The following RGL1 variants were observed in gnomAD, a reference collection of about 807,000 sequenced individuals.
RGL1 encodes ral guanine nucleotide dissociation stimulator like 1, also known as ral guanine nucleotide dissociation stimulator-like 1.
In RGL1, 24 loss-of-function variants were observed where a neutral mutation model predicts 95.2. The ratio of observed to expected loss-of-function variants is 0.25; its 90% CI spans 0.18 to 0.35. The LOEUF is 0.35. RGL1 is among the 10% of genes least tolerant of loss of function. The probability of loss-of-function intolerance (pLI) is 1.00; values close to 1 mark genes in which losing one functional copy is unlikely to be tolerated. For missense variants in RGL1, 715 were observed against 936.3 expected (o/e 0.76, Z 3.08); for synonymous variants, 329 against 344.9 (o/e 0.95, Z 0.51).
chr1:183,658,280 G>A (rs1651334625), intron 1 of RGL1, among the ~76,000 whole-genome samples: 3 of 152,216 alleles, frequency 2.0e-5, no homozygotes, highest in Admixed American at 2.0e-4. Flanking sequence ...GAAGCGCAAG[G>A]GGTCAGGGAG....
intron 2 of RGL1, among the ~76,000 whole-genome samples, chr1:183,845,947 G>A (rs781149816): frequency 6.6e-6 from 1 of 152,256 alleles, no homozygotes; most frequent in South Asian, 2.1e-4. Flanking sequence ...TAGGTTGCCT[G>A]TTCACTCATA....
At chr1:183,653,433 C>A (rs1650915156) in intron 1 of RGL1, 1 of 152,268 alleles carries the variant, frequency 6.6e-6, no homozygotes. Flanking sequence ...TACAGGACTG[C>A]ATATCCCAGT....
chr1:183,922,158 CAGG>C, intron 16 of RGL1, 61 bp from the exon 17 acceptor site: 4 of 1,312,770 alleles, frequency 3.0e-6, no homozygotes. Context: ...ATGAGAGGGT[CAGG>C]AGAACTCCCT....
At chr1:183,656,070 CAGAT>C (rs149961513) in intron 1 of RGL1, among the ~76,000 whole-genome samples, 1,968 of 151,822 alleles carry the variant, frequency 0.013, 49 homozygotes, top group African/African-American at 0.046. Flanking sequence ...TTTAAGGAAA[CAGAT>C]AGATCCCAAA....
intron 1 of RGL1, among the ~76,000 whole-genome samples, chr1:183,664,425 A>G (rs1651884363): frequency 6.6e-6 from 1 of 152,110 alleles, no homozygotes; most frequent in Non-Finnish European, 1.5e-5. Flanking sequence ...CATGCATCAT[A>G]TCTGTACTAG....
intron 3 of RGL1, among the ~76,000 whole-genome samples, chr1:183,860,849 T>C (rs2102578319): frequency 6.6e-6 from 1 of 152,306 alleles, no homozygotes; most frequent in Admixed American, 6.5e-5. Flanking sequence ...ATAGTACCTG[T>C]ACGTAGTCCT....
upstream of RGL1, among the ~76,000 whole-genome samples, chr1:183,800,354 C>G (rs185937882): frequency 6.6e-6 from 1 of 152,274 alleles, no homozygotes; most frequent in East Asian, 1.9e-4. Context: ...TGCATTTGCT[C>G]TTTATCTATT....
upstream of RGL1, among the ~76,000 whole-genome samples, chr1:183,803,123 AG>A (rs1174127775): frequency 6.6e-6 from 1 of 152,238 alleles, no homozygotes; most frequent in Non-Finnish European, 1.5e-5. Context: ...ATACATTGTG[AG>A]GTGTAAATAC....
chr1:183,649,524 A>G (rs980510980), intron 1 of RGL1, among the ~76,000 whole-genome samples: 4 of 151,986 alleles, frequency 2.6e-5, no homozygotes, highest in African/African-American at 9.7e-5. Context: ...GGATCATGGG[A>G]TCTCTTTTGC....
chr1:183,894,282 G>C (rs1412560236), intron 9 of RGL1, among the ~76,000 whole-genome samples: 1 of 152,196 alleles, frequency 6.6e-6, no homozygotes, highest in Non-Finnish European at 1.5e-5. Flanking sequence ...TCTGGCTGAA[G>C]GCTTAGAAGT....
chr1:183,707,395 T>C (rs891956598), intron 1 of RGL1, among the ~76,000 whole-genome samples: 6 of 152,176 alleles, frequency 3.9e-5, no homozygotes, highest in African/African-American at 1.4e-4. Context: ...GAGAGATCAG[T>C]GAGGGGGAAG....
intron 1 of RGL1, among the ~76,000 whole-genome samples, chr1:183,654,701 C>G (rs1257670777): frequency 2.6e-5 from 4 of 152,180 alleles, no homozygotes; most frequent in Non-Finnish European, 5.9e-5. Flanking sequence ...GGATTAGATG[C>G]TCAGCAAATG....
rs145097885 is a variant in RGL1, at chr1:183,656,917, C to T, written c.-33+20416C>T. On this transcript the variant is annotated intron_variant, in intron 1 of 18. Coordinates refer to the RGL1 transcript ENST00000304685. ...AACCAGAAAATCTAATTATTATGCTCTAGCCAAACTACCCAATGTTTGCTT... is the reference window on the plus strand; with the variant it reads ...AACCAGAAAATCTAATTATTATGCTTTAGCCAAACTACCCAATGTTTGCTT... Among the ~76,000 whole-genome samples the T allele has an allele frequency of 5.4e-4, 82 of 151,260 alleles. 2 individuals carry two copies. The East Asian group carries it at 0.015, about 28-fold the overall frequency.
chr1:183,715,771 G>A (rs1655587890), intron 1 of RGL1, among the ~76,000 whole-genome samples: 1 of 150,056 alleles, frequency 6.7e-6, no homozygotes, highest in African/African-American at 2.4e-5. Flanking sequence ...GAAAGGGAGG[G>A]AGGGAGGGAG....
At chr1:183,808,659 C>G (rs913868108) in intron 2 of RGL1, among the ~76,000 whole-genome samples, 4 of 152,046 alleles carry the variant, frequency 2.6e-5, no homozygotes, top group Non-Finnish European at 5.9e-5. Flanking sequence ...TTCAAAGTAA[C>G]TAGTTTCAGA....
intron 1 of RGL1, among the ~76,000 whole-genome samples, chr1:183,683,510 T>G (rs531282010): frequency 6.6e-6 from 1 of 152,376 alleles, no homozygotes; most frequent in Admixed American, 6.5e-5. Flanking sequence ...TTTTCTGGCT[T>G]GTAGAGTTTC....
At chr1:183,856,719 G>A (rs1037822478) in intron 3 of RGL1, among the ~76,000 whole-genome samples, 1 of 151,522 alleles carries the variant, frequency 6.6e-6, no homozygotes, top group Non-Finnish European at 1.5e-5. Flanking sequence ...CTTATTTCCT[G>A]CAACTATGAG....
chr1:183,726,178 G>T (rs6424908), intron 1 of RGL1, among the ~76,000 whole-genome samples: 70,712 of 151,836 alleles, frequency 0.47, 17,236 homozygotes, highest in East Asian at 0.76. Flanking sequence ...AGGCTTAAAA[G>T]CTTAATTAGA....
At chr1:183,790,739 T>C (rs1019740550) in intron 2 of RGL1, among the ~76,000 whole-genome samples, 3 of 152,206 alleles carry the variant, frequency 2.0e-5, no homozygotes, top group Admixed American at 1.3e-4. Flanking sequence ...TATTTGGCTA[T>C]AAGGTTGCCA....
Sources: allele counts gnomAD v4.1 joint callset (sites outside exome capture counted in the v4.1 genomes callset), GRCh38; gene constraint gnomAD v4.1.1; transcripts MANE v1.5; gene names NCBI Gene and HGNC (gene_info 2026-07-23, HGNC 2026-07-21).